Variants in SHANK2 observed in about 807,000 individuals in gnomAD.
The protein encoded by SHANK2 is SH3 and multiple ankyrin repeat domains protein 2.
Under a neutral mutation model 133.7 loss-of-function variants are expected in SHANK2, and 43 were observed. That is an observed-to-expected ratio of 0.32 (90% CI 0.25 to 0.41). The LOEUF is 0.41. Ranked by LOEUF, SHANK2 falls within the 10% of genes least tolerant of loss-of-function variation. The pLI is 1.00. For synonymous variants in SHANK2, 1,017 were observed against 952.8 expected (o/e 1.07, Z -1.24); for missense variants, 1,994 against 2,235.8 (o/e 0.89, Z 2.18).
At chr11:70,628,177 C>T (rs2060929757) in intron 17 of SHANK2, among the ~76,000 whole-genome samples, 1 of 152,218 alleles carries the variant, frequency 6.6e-6, no homozygotes, top group South Asian at 2.1e-4. Flanking sequence ...CCAGGCTGGT[C>T]TCGAACTCCT....
chr11:70,621,040 G>T (rs2060822808), intron 17 of SHANK2, among the ~76,000 whole-genome samples: 2 of 152,230 alleles, frequency 1.3e-5, no homozygotes, highest in Admixed American at 1.3e-4. Flanking sequence ...CTGAAATGGG[G>T]ATGGATGGTA....
intron 17 of SHANK2, among the ~76,000 whole-genome samples, chr11:70,541,755 G>A (rs183089771): frequency 6.6e-6 from 1 of 152,262 alleles, no homozygotes; most frequent in Non-Finnish European, 1.5e-5. Flanking sequence ...CTTGTGGGTG[G>A]AGACCAAGGA....
intron 17 of SHANK2, among the ~76,000 whole-genome samples, chr11:70,624,166 G>A (rs542253441): frequency 2.8e-4 from 43 of 152,216 alleles, no homozygotes; most frequent in African/African-American, 9.6e-4. Flanking sequence ...GGCTGAGGCC[G>A]GGGGAGTGTG....
intron 11 of SHANK2, among the ~76,000 whole-genome samples, chr11:70,842,612 C>T (rs189666892): frequency 1.3e-3 from 195 of 152,312 alleles, no homozygotes; most frequent in Middle Eastern, 3.4e-3. Flanking sequence ...TGCCCTGGAG[C>T]GAGCATGAGC....
chr11:70,654,748 C>T (rs1229548498), intron 17 of SHANK2, among the ~76,000 whole-genome samples: 1 of 150,946 alleles, frequency 6.6e-6, no homozygotes, highest in Non-Finnish European at 1.5e-5. Context: ...GTAATTGCTA[C>T]CTGGTTTTGT....
intron 14 of SHANK2, among the ~76,000 whole-genome samples, chr11:70,715,653 C>T (rs1296872792): frequency 2.0e-5 from 3 of 152,214 alleles, no homozygotes; most frequent in East Asian, 1.9e-4. Context: ...ACCAATACAT[C>T]GAGCCAAACT....
intron 3 of SHANK2, among the ~76,000 whole-genome samples, chr11:71,126,730 T>C (rs1555102760): frequency 1.3e-5 from 2 of 150,322 alleles, no homozygotes; most frequent in Non-Finnish European, 3.0e-5. Flanking sequence ...AACGACTTTT[T>C]TTTTTTTTTT....
At chr11:70,602,825 T>C (rs2060518596) in intron 17 of SHANK2, among the ~76,000 whole-genome samples, 1 of 152,226 alleles carries the variant, frequency 6.6e-6, no homozygotes, top group African/African-American at 2.4e-5. Flanking sequence ...AACAAATACA[T>C]GCATGATGTA....
chr11:70,608,971 T>G (rs1200481762), intron 17 of SHANK2, among the ~76,000 whole-genome samples: 1 of 152,236 alleles, frequency 6.6e-6, no homozygotes, highest in Non-Finnish European at 1.5e-5. Flanking sequence ...CAGAGAGAGC[T>G]CGCTCCTCGC....
intron 14 of SHANK2, among the ~76,000 whole-genome samples, chr11:70,783,075 C>T (rs149097547): frequency 6.6e-6 from 1 of 152,100 alleles, no homozygotes; most frequent in South Asian, 2.1e-4. Context: ...TGTCTTTCTG[C>T]GGATGAGGAC....
intron 17 of SHANK2, among the ~76,000 whole-genome samples, chr11:70,580,716 G>C (rs1215593060): frequency 2.0e-5 from 3 of 152,244 alleles, no homozygotes; most frequent in Admixed American, 6.5e-5. Context: ...CCCGCTGCTG[G>C]CTGCCCAGCC....
Position 70,809,628 on chromosome 11 carries a change from T to G in SHANK2, c.1494-2457A>C, listed in dbSNP as rs570622197. On this transcript the variant is annotated intron_variant, in intron 12 of 25. Coordinates refer to ENST00000601538, the MANE Select transcript of SHANK2 (RefSeq NM_012309.5). ...GGGACCTTACCCATGTCAACGTGTT[T>G]GAGGAGCCAGGGCTCCATGTACTCC... Among the ~76,000 whole-genome samples the G allele has an allele frequency of 9.7e-4, 148 of 152,332 alleles. 1 individual carries two copies. In the Middle Eastern group the frequency reaches 0.014, roughly 14 times the overall value.
chr11:70,820,633 G>T lies in SHANK2; in HGVS notation c.1224C>A (p.Pro408=). The T allele has an allele frequency of 1.4e-6, 1 of 710,024 alleles. No homozygotes were observed. 44.0% of individuals were successfully genotyped at this position (710,024 alleles called of 1,614,324 possible). The change falls in exon 12 of 26, where the codon CCC becomes CCA. Residue 408 remains proline, a synonymous_variant. Transcript: ENST00000601538. The part of the protein sequence containing the change: ...PAYSNRRRRP[P]NTLAAPRVLL... ...GGACCCGGGGGGCGGCCAGCGTGTT[G>T]GGGGGCCGCCGCCGGCGGTTGGAGT...
intron 10 of SHANK2, among the ~76,000 whole-genome samples, chr11:70,945,139 C>T (rs549083676): frequency 1.9e-4 from 29 of 152,156 alleles, no homozygotes; most frequent in Admixed American, 1.4e-3. Context: ...GGCACTTATG[C>T]AGGGGATGGA....
intron 11 of SHANK2, among the ~76,000 whole-genome samples, chr11:70,891,258 T>TA (rs1222595673): frequency 6.6e-6 from 1 of 152,162 alleles, no homozygotes; most frequent in East Asian, 1.9e-4. Flanking sequence ...CTCACGCCTG[T>TA]AATCCCAGCA....
intron 1 of SHANK2, among the ~76,000 whole-genome samples, chr11:71,248,393 G>T (rs1555125324): frequency 6.6e-6 from 1 of 152,254 alleles, no homozygotes; most frequent in Non-Finnish European, 1.5e-5. Context: ...ACCGCTGCCT[G>T]GCGGCTTTCT....
At chr11:70,949,169 T>C (rs1555085998) in intron 10 of SHANK2, among the ~76,000 whole-genome samples, 1 of 152,224 alleles carries the variant, frequency 6.6e-6, no homozygotes, top group African/African-American at 2.4e-5. Flanking sequence ...ATGATTTGCT[T>C]GGTCACTCAC....
chr11:70,786,943 C>CA (rs1947666723), intron 14 of SHANK2, among the ~76,000 whole-genome samples: 1 of 152,046 alleles, frequency 6.6e-6, no homozygotes, highest in Admixed American at 6.5e-5. Context: ...TCATCACCAA[C>CA]AAAAACAGCA....
At position 70,743,723 on chromosome 11, in the gene SHANK2, C is replaced by A. The variant is rs372473123; in HGVS notation, c.1778-44960G>T. On this transcript the variant is annotated intron_variant, in intron 14 of 25. Transcript: ENST00000601538. ...TTGCTCCATGTCCCCCTCACCTTCTCCTCCCTCCTCCAGGCGGGATCCTCA... is the reference window on the plus strand; with the variant it reads ...TTGCTCCATGTCCCCCTCACCTTCTACTCCCTCCTCCAGGCGGGATCCTCA... Among the ~76,000 whole-genome samples the A allele has an allele frequency of 1.7e-3, 255 of 152,308 alleles. 11 individuals carry two copies. The South Asian group carries it at 0.051, about 30-fold the overall frequency.
Sources: gnomAD v4.1 joint callset for allele counts (sites outside exome capture counted in the v4.1 genomes callset) on GRCh38, gnomAD v4.1.1 for gene constraint, MANE v1.5 for transcripts, NCBI Gene and HGNC (gene_info 2026-07-23, HGNC 2026-07-21) for gene names.